The following CADM2 variants were observed in gnomAD, a reference collection of about 807,000 sequenced individuals.
CADM2 encodes cell adhesion molecule 2, also known as immunoglobulin superfamily member 4D.
Under a neutral mutation model 49.8 loss-of-function variants are expected in CADM2, and 12 were observed. The ratio of observed to expected loss-of-function variants is 0.24; its 90% CI spans 0.15 to 0.39. CADM2 has a LOEUF of 0.39. Ranked by LOEUF, CADM2 falls within the 10% of genes least tolerant of loss-of-function variation. The pLI is 1.00. For synonymous variants in CADM2, 214 were observed against 175.4 expected (o/e 1.22, Z -1.74); for missense variants, 378 against 492.3 (o/e 0.77, Z 2.20).
chr3:85,381,299 G>A (rs1452632967), intron 1 of CADM2, among the ~76,000 whole-genome samples: 7 of 151,478 alleles, frequency 4.6e-5, no homozygotes, highest in Non-Finnish European at 2.9e-5. Context: ...GGCATTACAT[G>A]TAATTGATGA....
At chr3:85,701,997 TAGATAGATAGA>T (rs2066787675) in intron 1 of CADM2, among the ~76,000 whole-genome samples, 1 of 151,788 alleles carries the variant, frequency 6.6e-6, no homozygotes, top group Non-Finnish European at 1.5e-5. Context: ...GATAGATAGA[TAGATAGATAGA>T]TAGATAGATA....
intron 8 of CADM2, among the ~76,000 whole-genome samples, chr3:86,062,821 A>T (rs1302396118): frequency 6.7e-6 from 1 of 149,628 alleles, no homozygotes; most frequent in Non-Finnish European, 1.5e-5. Flanking sequence ...TTTTTTTTTC[A>T]GGCAGAGATT....
At chr3:85,560,744 C>T (rs928967057) in intron 1 of CADM2, among the ~76,000 whole-genome samples, 7 of 152,274 alleles carry the variant, frequency 4.6e-5, no homozygotes, top group African/African-American at 1.7e-4. Context: ...TTTTGTTACT[C>T]ATTTATACAA....
chr3:85,189,072 A>AATAG (rs1357385001), intron 1 of CADM2, among the ~76,000 whole-genome samples: 1 of 150,164 alleles, frequency 6.7e-6, no homozygotes, highest in African/African-American at 2.4e-5. Context: ...AAAATAAATA[A>AATAG]ATAAATAAAT....
chr3:85,912,988 T>C (rs73132611), intron 6 of CADM2, among the ~76,000 whole-genome samples: 7,741 of 152,232 alleles, frequency 0.051, 411 homozygotes, highest in African/African-American at 0.13. Flanking sequence ...TACTAATGTA[T>C]AAATATAGGA....
intron 1 of CADM2, among the ~76,000 whole-genome samples, chr3:85,100,388 T>A: frequency 6.6e-6 from 1 of 152,198 alleles, no homozygotes; most frequent in East Asian, 1.9e-4. Flanking sequence ...CATAACATAT[T>A]TGCTTCATGT....
chr3:85,726,901 A>G (rs1297599409), intron 2 of CADM2, among the ~76,000 whole-genome samples: 2 of 152,126 alleles, frequency 1.3e-5, no homozygotes, highest in Non-Finnish European at 2.9e-5. Context: ...AAACTGATGG[A>G]AAGTCTCAAA....
At chr3:85,552,679 C>G (rs2061842283) in intron 1 of CADM2, among the ~76,000 whole-genome samples, 1 of 148,604 alleles carries the variant, frequency 6.7e-6, no homozygotes, top group Admixed American at 6.8e-5. Context: ...TGCGCCCGGC[C>G]CTTGTTTTGT....
intron 1 of CADM2, among the ~76,000 whole-genome samples, chr3:85,454,139 G>A (rs1247491641): frequency 6.6e-6 from 1 of 152,062 alleles, no homozygotes; most frequent in Non-Finnish European, 1.5e-5. Context: ...CAGATCACCT[G>A]AGGGCAGGAG....
intron 3 of CADM2, among the ~76,000 whole-genome samples, chr3:85,821,441 C>T (rs1243529802): frequency 6.6e-6 from 1 of 152,156 alleles, no homozygotes; most frequent in Non-Finnish European, 1.5e-5. Flanking sequence ...TTATTCATAT[C>T]ACTGAAGAAA....
chr3:85,638,374 A>G (rs993708255), intron 1 of CADM2, among the ~76,000 whole-genome samples: 4 of 152,166 alleles, frequency 2.6e-5, no homozygotes, highest in Non-Finnish European at 4.4e-5. Context: ...TCAAATAAAT[A>G]TCTCCACAAA....
intron 8 of CADM2, among the ~76,000 whole-genome samples, chr3:85,984,527 T>G (rs1220063097): frequency 2.4e-4 from 36 of 151,822 alleles, no homozygotes. Context: ...AATAAGAATT[T>G]ATAACTGAAC....
intron 1 of CADM2, among the ~76,000 whole-genome samples, chr3:85,286,147 C>A (rs1213706773): frequency 6.6e-6 from 1 of 152,082 alleles, no homozygotes; most frequent in Admixed American, 6.6e-5. Flanking sequence ...ATCTTCTCGC[C>A]CCTTTCAAGA....
intron 6 of CADM2, among the ~76,000 whole-genome samples, chr3:85,922,672 A>C (rs1208365482): frequency 6.6e-6 from 1 of 152,106 alleles, no homozygotes; most frequent in South Asian, 2.1e-4. Flanking sequence ...TTCTTCTTTC[A>C]CTAGCATTGT....
chr3:86,008,831 AT>A, intron 8 of CADM2, among the ~76,000 whole-genome samples: 1 of 147,512 alleles, frequency 6.8e-6, no homozygotes, highest in Admixed American at 6.8e-5. Flanking sequence ...AATTTTGACG[AT>A]TTTTTCCAGT....
At chr3:85,355,445 C>T (rs2031774123) in intron 1 of CADM2, among the ~76,000 whole-genome samples, 1 of 152,080 alleles carries the variant, frequency 6.6e-6, no homozygotes, top group Admixed American at 6.6e-5. Context: ...TTATTTCTCA[C>T]TTCGTATGTA....
At chr3:85,107,345 A>G (rs756889086) in intron 1 of CADM2, among the ~76,000 whole-genome samples, 9 of 152,216 alleles carry the variant, frequency 5.9e-5, no homozygotes, top group Non-Finnish European at 1.3e-4. Context: ...TAATTGGCAC[A>G]TAAAAGGATG....
Position 86,070,629 on chromosome 3 carries a change from C to CA in CADM2, c.*3850dup, listed in dbSNP as rs1332240374. The CA allele has an allele frequency of 4.9e-4, 36 of 73,294 alleles. No homozygotes were observed. The East Asian group carries it at 0.013, about 26-fold the overall frequency. 4.5% of individuals were successfully genotyped at this position (73,294 alleles called of 1,614,324 possible). On this transcript the variant is annotated 3_prime_UTR_variant, in exon 10 of 10. Transcript: ENST00000383699. Reference sequence around the variant, plus strand: ...AATGGTAATTTCTGATAAAACAATACAAAACAAAAAAAAAGCAGTAATCAC... The same window carrying CA: ...AATGGTAATTTCTGATAAAACAATACAAAAACAAAAAAAAAGCAGTAATCAC...
chr3:85,284,184 T>C (rs527298334), intron 1 of CADM2, among the ~76,000 whole-genome samples: 1 of 152,266 alleles, frequency 6.6e-6, no homozygotes, highest in Non-Finnish European at 1.5e-5. Flanking sequence ...TTATTTGAAT[T>C]GTGTTGTCCT....
Sources: allele counts gnomAD v4.1 joint callset (sites outside exome capture counted in the v4.1 genomes callset), GRCh38; gene constraint gnomAD v4.1.1; transcripts MANE v1.5; gene names NCBI Gene and HGNC (gene_info 2026-07-23, HGNC 2026-07-21).